The following BBX variants were observed in gnomAD, a reference collection of about 807,000 sequenced individuals.
BBX encodes the protein HMG box transcription factor BBX.
In BBX, 30 loss-of-function variants were observed where a neutral mutation model predicts 100.2. That is an observed-to-expected ratio of 0.30 (90% CI 0.22 to 0.41). The LOEUF (loss-of-function observed/expected upper bound fraction) is 0.41, where lower values mean the gene tolerates loss of function less well. BBX is among the 10% of genes least tolerant of loss of function. The pLI, the probability that BBX is intolerant of heterozygous loss-of-function variation, is 1.00. For missense variants in BBX, 1,023 were observed against 1,129.8 expected, an observed-to-expected ratio of 0.91 and a Z score of 1.35; for synonymous variants, 376 against 388.1, an observed-to-expected ratio of 0.97 and a Z score of 0.37.
chr3:107,599,562 G>A (rs982912164), intron 2 of BBX: 1 of 152,120 alleles, frequency 6.6e-6, no homozygotes, highest in African/African-American at 2.4e-5. Context: ...TCTGTAGACT[G>A]CCGCACTGAA....
chr3:107,696,300 C>G lies in BBX; in HGVS notation c.-9-14152C>G, dbSNP rs185010848. Among the ~76,000 whole-genome samples the G allele has an allele frequency of 2.0e-5, 3 of 151,916 alleles. No individual in the cohort carries two copies. The East Asian group carries it at 5.8e-4, about 29-fold the overall frequency. On this transcript the variant is annotated intron_variant, in intron 3 of 17. Coordinates refer to ENST00000325805, the MANE Select transcript of BBX (RefSeq NM_001142568.3). ...GCAGTTTCTTCCTAGTCTCAATGGT[C>G]TTTACATTTTGGCATGATTTTGCAG... is the stretch of plus-strand genomic sequence containing the variant.
Position 107,711,869 on chromosome 3 carries a change from A to G in BBX, c.162+1247A>G, listed in dbSNP as rs548714141. ...CCTTTGGCCACCCACACCTGTTTCT[A>G]TTTATCCTTTCTTTTTTTTTTAGAA... On this transcript the variant is annotated intron_variant, in intron 4 of 17. Transcript: ENST00000325805. 4.0e-4 allele frequency among the ~76,000 whole-genome samples: 61 copies of G among 150,848 alleles called. 1 individual carries two copies. Among genetic ancestry groups the G allele is most frequent in the Middle Eastern group, 6.8e-3 (2 of 292 alleles).
rs756258621 is a variant in BBX at position 107,798,567 on chromosome 3, G to A, written c.2398G>A (p.Val800Ile). Residue 800 changes from valine to isoleucine, a missense_variant, in exon 16 of 18, where the codon GTT (valine) becomes ATT (isoleucine). This residue lies in a region of BBX where 215 missense variants were observed against 211.3 expected (regional missense o/e 1.02). Transcript: ENST00000325805. ...AAACACCATGGAGCCTGTTCATAAG[G>A]TTAAAAATATCCCATCCATTTTCAA... is the stretch of plus-strand genomic sequence containing the variant. ...DRNTMEPVHK[V>I]KNIPSIFNTP... 1 of 1,614,024 alleles carries A rather than the reference G, an allele frequency of 6.2e-7. No homozygotes were observed. Among genetic ancestry groups the A allele is most frequent in the African/African-American group, 1.3e-5 (1 of 74,988 alleles).
intron 3 of BBX, among the ~76,000 whole-genome samples, chr3:107,666,248 A>G (rs2058735751): frequency 6.6e-6 from 1 of 152,196 alleles, no homozygotes; most frequent in Non-Finnish European, 1.5e-5. Flanking sequence ...ACAGAGAGCT[A>G]TGTATTTGTT....
At chr3:107,635,852 C>T (rs1441565492) in intron 2 of BBX, among the ~76,000 whole-genome samples, 1 of 151,958 alleles carries the variant, frequency 6.6e-6, no homozygotes, top group African/African-American at 2.4e-5. Context: ...GCTGGGATTA[C>T]AGGCGCCTGC....
At chr3:107,620,150 C>A (rs2055631368) in intron 2 of BBX, among the ~76,000 whole-genome samples, 1 of 151,854 alleles carries the variant, frequency 6.6e-6, no homozygotes, top group African/African-American at 2.4e-5. Flanking sequence ...GATCTTTTTG[C>A]CTCTGTCCCC....
rs1576764069 is a variant in BBX at position 107,778,432 on chromosome 3, G to C, written c.2116G>C (p.Val706Leu). 6.2e-7 allele frequency: 1 copy of C among 1,613,198 alleles called. No individual in the cohort carries two copies. The highest frequency in any genetic ancestry group is 1.3e-5 in the African/African-American group (1 of 74,824). The change falls in exon 13 of 18, where the codon GTT (valine) becomes CTT (leucine). Residue 706 changes from valine to leucine, a missense_variant. Val to Leu is a conservative substitution (Grantham distance 32). Transcript: ENST00000325805. ...KFNSLPQYSP[V>L]TFDRKCVPVP... ...CAACAGCCTCCCTCAATATAGTCCT[G>C]TTACATTTGACCGGAAATGTGTACC... is the stretch of plus-strand genomic sequence containing the variant.
chr3:107,611,488 T>C (rs2054844584), intron 2 of BBX, among the ~76,000 whole-genome samples: 2 of 152,208 alleles, frequency 1.3e-5, no homozygotes, highest in African/African-American at 4.8e-5. Flanking sequence ...ATTGAAGGAT[T>C]ATTTTCACCA....
chr3:107,672,767 C>T (rs1486157682), intron 3 of BBX, among the ~76,000 whole-genome samples: 1 of 151,970 alleles, frequency 6.6e-6, no homozygotes, highest in Non-Finnish European at 1.5e-5. Context: ...ACTACATTCA[C>T]TTTGAATGTG....
intron 10 of BBX, among the ~76,000 whole-genome samples, chr3:107,765,751 G>T (rs532777709): frequency 6.6e-6 from 1 of 152,266 alleles, no homozygotes; most frequent in African/African-American, 2.4e-5. Context: ...TCCTCCAGTA[G>T]GCGGCACTGG....
At chr3:107,598,338 T>C (rs2053809414) in intron 2 of BBX, among the ~76,000 whole-genome samples, 1 of 152,212 alleles carries the variant, frequency 6.6e-6, no homozygotes, top group Non-Finnish European at 1.5e-5. Context: ...GCATGAGTCT[T>C]TGCAATCCTA....
chr3:107,609,740 C>T (rs956107770), intron 2 of BBX, among the ~76,000 whole-genome samples: 1 of 151,866 alleles, frequency 6.6e-6, no homozygotes, highest in Non-Finnish European at 1.5e-5. Flanking sequence ...CTTTTCATCT[C>T]TTATTTTATT....
At chr3:107,696,796 C>T (rs926407769) in intron 3 of BBX, among the ~76,000 whole-genome samples, 22 of 151,558 alleles carry the variant, frequency 1.5e-4, no homozygotes, top group Admixed American at 4.6e-4. Context: ...AGAGTGTTTT[C>T]CAACTTGGTT....
intron 2 of BBX, among the ~76,000 whole-genome samples, chr3:107,626,232 A>C (rs980994132): frequency 4.6e-5 from 7 of 152,236 alleles, no homozygotes; most frequent in Admixed American, 2.6e-4. Context: ...TATAGGTTAA[A>C]TGTTTTGGTG....
chr3:107,805,340 A>G, intron 17 of BBX, 30 bp from the exon 18 acceptor site: 1 of 1,595,512 alleles, frequency 6.3e-7, no homozygotes, highest in South Asian at 1.1e-5. Flanking sequence ...TATGCTGAAT[A>G]AGTGACTTTT....
intron 3 of BBX, chr3:107,662,004 T>C (rs920140693): frequency 2.8e-6 from 2 of 704,524 alleles, no homozygotes; most frequent in East Asian, 1.3e-4. Context: ...GGTGGTCCTT[T>C]TGGGGAAGAA....
intron 13 of BBX, among the ~76,000 whole-genome samples, chr3:107,779,247 C>T (rs993902215): frequency 4.0e-5 from 6 of 151,548 alleles, no homozygotes; most frequent in Non-Finnish European, 8.8e-5. Context: ...TCACCTGAGA[C>T]CACTGTTGAC....
chr3:107,653,852 A>T (rs957793118), intron 3 of BBX, among the ~76,000 whole-genome samples: 20 of 152,152 alleles, frequency 1.3e-4, no homozygotes, highest in African/African-American at 4.8e-4. Flanking sequence ...GCACTGTCCT[A>T]ATAAGTTGTG....
chr3:107,577,301 G>C (rs968345551), intron 2 of BBX, among the ~76,000 whole-genome samples: 2 of 152,218 alleles, frequency 1.3e-5, no homozygotes, highest in African/African-American at 4.8e-5. Flanking sequence ...ATATGGTACT[G>C]TTGGTGTGAG....
Sources: allele counts gnomAD v4.1 joint callset (sites outside exome capture counted in the v4.1 genomes callset), GRCh38; gene constraint gnomAD v4.1.1; regional missense constraint gnomAD v4.1.1; transcripts MANE v1.5; gene names NCBI Gene and HGNC (gene_info 2026-07-23, HGNC 2026-07-21).